RCOR3: variants seen among roughly 807,000 people sequenced by gnomAD.
RCOR3 encodes REST corepressor 3.
A neutral mutation model predicts 64.1 loss-of-function variants in RCOR3; 13 were observed. That is an observed-to-expected ratio of 0.20 (90% CI 0.13 to 0.32). The LOEUF (loss-of-function observed/expected upper bound fraction) is 0.32. Ranked by LOEUF, RCOR3 falls within the 10% of genes least tolerant of loss-of-function variation. The probability of loss-of-function intolerance (pLI) is 1.00; values close to 1 mark genes in which losing one functional copy is unlikely to be tolerated. For synonymous variants in RCOR3, 215 were observed against 239.0 expected (o/e 0.90, Z 0.93); for missense variants, 489 against 701.2 (o/e 0.70, Z 3.42).
intron 2 of RCOR3, among the ~76,000 whole-genome samples, chr1:211,262,558 A>G (rs573370767): frequency 4.6e-5 from 7 of 152,208 alleles, no homozygotes; most frequent in African/African-American, 1.7e-4. Context: ...AAACATACCT[A>G]TATTTTTGCC....
At position 211,287,552 on chromosome 1, in the gene RCOR3, G is replaced by A. The variant is rs148726607; in HGVS notation, c.721-1626G>A. ...ACATCAGATCCGCCATGTGTTGCTT[G>A]GAGGTAGCTTCGAGCAATTAAGTGG... On this transcript the variant is annotated intron_variant, in intron 7 of 11. Transcript: ENST00000419091. 8.9e-3 allele frequency among the ~76,000 whole-genome samples: 1,354 copies of A among 152,288 alleles called. 12 individuals carry two copies. Among genetic ancestry groups the A allele is most frequent in the Non-Finnish European group, 0.012 (821 of 68,018 alleles).
At chr1:211,279,187 TAA>T (rs10708960) in intron 6 of RCOR3, 49 bp from the exon 7 acceptor site, 192,597 of 897,524 alleles carry the variant, frequency 0.21, 10 homozygotes, top group South Asian at 0.26. Context: ...AACGCTGTCT[TAA>T]AAAAAAAAAA....
chr1:211,282,618 C>G (rs1422270520), intron 7 of RCOR3, among the ~76,000 whole-genome samples: 1 of 151,954 alleles, frequency 6.6e-6, no homozygotes, highest in Non-Finnish European at 1.5e-5. Context: ...CCTGCCTCAG[C>G]CTCCCGAGTA....
chr1:211,264,065 C>T (rs1043133704), intron 2 of RCOR3, among the ~76,000 whole-genome samples: 7 of 152,140 alleles, frequency 4.6e-5, no homozygotes, highest in Admixed American at 6.5e-5. Context: ...TCAGGTCATC[C>T]GCGTGCCTTG....
intron 2 of RCOR3, among the ~76,000 whole-genome samples, chr1:211,268,694 T>C (rs1571805136): frequency 6.6e-6 from 1 of 152,268 alleles, no homozygotes; most frequent in East Asian, 1.9e-4. Flanking sequence ...TTTCATTGAA[T>C]ATAAATTTTT....
chr1:211,271,848 G>A (rs775279490), intron 3 of RCOR3: 14 of 180,484 alleles, frequency 7.8e-5, no homozygotes, highest in Middle Eastern at 5.5e-3. Context: ...GATCCTTTGC[G>A]GCACATCAGA....
chr1:211,303,129 A>T (rs1700545820), intron 9 of RCOR3: 1 of 151,682 alleles, frequency 6.6e-6, no homozygotes, highest in African/African-American at 2.4e-5. Flanking sequence ...TAATCTCCTC[A>T]TCTGGAATAC....
At chr1:211,282,503 G>GT (rs745846610) in intron 7 of RCOR3, among the ~76,000 whole-genome samples, 4,785 of 138,038 alleles carry the variant, frequency 0.035, 101 homozygotes, top group Non-Finnish European at 0.039. Flanking sequence ...GGATATTCTT[G>GT]TTTTTTTTTT....
chr1:211,276,849 G>C (rs1253056759), intron 5 of RCOR3, among the ~76,000 whole-genome samples: 1 of 152,072 alleles, frequency 6.6e-6, no homozygotes, highest in African/African-American at 2.4e-5. Context: ...CACTTTGGGA[G>C]GCCGAGGCGG....
chr1:211,279,043 C>T (rs1697401925), intron 6 of RCOR3, among the ~76,000 whole-genome samples, 195 bp from the exon 7 acceptor site: 2 of 151,946 alleles, frequency 1.3e-5, no homozygotes, highest in South Asian at 4.2e-4. Context: ...AAAAATTAGC[C>T]AGGCGTGGTG....
chr1:211,278,279 A>G (rs1182668629), intron 6 of RCOR3, 38 bp downstream of exon 6: 2 of 1,605,230 alleles, frequency 1.2e-6, no homozygotes, highest in East Asian at 2.2e-5. Context: ...ATTGTTAGGG[A>G]CACTGCATTG....
At chr1:211,307,827 T>C (rs1701010718) in intron 10 of RCOR3, among the ~76,000 whole-genome samples, 1 of 151,576 alleles carries the variant, frequency 6.6e-6, no homozygotes, top group South Asian at 2.1e-4. Context: ...TTATTTTTTA[T>C]ATAATTATTT....
At chr1:211,294,900 CAG>C (rs1356349079) in intron 8 of RCOR3, among the ~76,000 whole-genome samples, 1 of 151,968 alleles carries the variant, frequency 6.6e-6, no homozygotes, top group Non-Finnish European at 1.5e-5. Flanking sequence ...TTTTTTAAGA[CAG>C]GGTCTTGCTT....
intron 2 of RCOR3, among the ~76,000 whole-genome samples, chr1:211,265,769 A>T (rs1045987221): frequency 6.6e-6 from 1 of 152,108 alleles, no homozygotes; most frequent in South Asian, 2.1e-4. Context: ...CCTGTGAGTA[A>T]GGTTCTGAGT....
Position 211,259,656 on chromosome 1 carries a change from C to T in RCOR3, c.96C>T (p.Gly32=), listed in dbSNP as rs1206900079. Reference sequence around the variant, plus strand: ...GCCCGGCAGGCGGCGGCGGCAGCGGCGCCTCGTCCACCAACGGCGGGCTGC... The same window carrying T: ...GCCCGGCAGGCGGCGGCGGCAGCGGTGCCTCGTCCACCAACGGCGGGCTGC... ...AKSPAGGGGS[G]ASSTNGGLHY... The change falls in exon 1 of 12, where the codon GGC becomes GGT. Residue 32 remains glycine, a synonymous_variant. Transcript: ENST00000419091. 3 of 1,546,878 alleles carry T rather than the reference C, an allele frequency of 1.9e-6. No individual in the cohort carries two copies. The highest frequency in any genetic ancestry group is 2.6e-6 in the Non-Finnish European group (3 of 1,145,356).
At chr1:211,309,326 GT>G (rs1338547554) in intron 10 of RCOR3, among the ~76,000 whole-genome samples, 2 of 152,160 alleles carry the variant, frequency 1.3e-5, no homozygotes, top group Admixed American at 6.5e-5. Context: ...TAAAAAAGAT[GT>G]TTTTGTGTTG....
intron 10 of RCOR3, among the ~76,000 whole-genome samples, chr1:211,304,799 T>C (rs1700704688): frequency 6.6e-6 from 1 of 152,336 alleles, no homozygotes; most frequent in East Asian, 1.9e-4. Context: ...AAGCATAAAC[T>C]TGGATTTTCT....
intron 5 of RCOR3, among the ~76,000 whole-genome samples, chr1:211,277,085 CA>C (rs545435373): frequency 9.7e-5 from 11 of 112,944 alleles, no homozygotes; most frequent in Admixed American, 9.3e-5. Context: ...GACTCTGTCT[CA>C]AAAAAAAAAA....
chr1:211,296,496 T>C (rs982873452), intron 9 of RCOR3, among the ~76,000 whole-genome samples: 1 of 152,076 alleles, frequency 6.6e-6, no homozygotes, highest in Non-Finnish European at 1.5e-5. Flanking sequence ...GGACTTTTTT[T>C]CCCCAGAAGG....
Sources: gnomAD v4.1 joint callset for allele counts (sites outside exome capture counted in the v4.1 genomes callset) on GRCh38, gnomAD v4.1.1 for gene constraint, MANE v1.5 for transcripts, NCBI Gene and HGNC (gene_info 2026-07-23, HGNC 2026-07-21) for gene names.